FSIP1: variants seen among roughly 807,000 people sequenced by gnomAD.
FSIP1 encodes fibrous sheath-interacting protein 1.
FSIP1 carries 65 observed loss-of-function variants against 60.9 expected under a neutral mutation model. The observed-to-expected ratio is 1.07, with a 90% CI of 0.87 to 1.31. The LOEUF (loss-of-function observed/expected upper bound fraction) is 1.31, where lower values mean the gene tolerates loss of function less well. Among genes scored for constraint, FSIP1 ranks in the 40% most tolerant of loss-of-function variants. The pLI, the probability that FSIP1 is intolerant of heterozygous loss-of-function variation, is 0.00. For missense variants in FSIP1, 675 were observed against 665.5 expected (o/e 1.01, Z -0.16); for synonymous variants, 209 against 221.2 (o/e 0.94, Z 0.49).
At chr15:39,688,030 C>T (rs1894451589) in intron 10 of FSIP1, among the ~76,000 whole-genome samples, 1 of 152,150 alleles carries the variant, frequency 6.6e-6, no homozygotes, top group African/African-American at 2.4e-5. Context: ...GCCTGCCAAG[C>T]ATCCATGGAA....
At chr15:39,730,345 A>C (rs78366709) in intron 8 of FSIP1, among the ~76,000 whole-genome samples, 1 of 152,352 alleles carries the variant, frequency 6.6e-6, no homozygotes, top group South Asian at 2.1e-4. Context: ...ACTTACCCAC[A>C]TATCTACAGT....
At chr15:39,702,982 C>A (rs150974955) in intron 10 of FSIP1, among the ~76,000 whole-genome samples, 5 of 133,984 alleles carry the variant, frequency 3.7e-5, no homozygotes, top group African/African-American at 1.4e-4. Flanking sequence ...TCATAATTGT[C>A]TTTTTTTTTT....
rs939643304 is a variant in FSIP1, at chr15:39,675,763, T to C, written c.1188+37681A>G. 2.0e-5 allele frequency among the ~76,000 whole-genome samples: 3 copies of C among 152,250 alleles called. No homozygotes were observed. In the South Asian group the frequency reaches 6.2e-4, roughly 31 times the overall value. On this transcript the variant is annotated intron_variant, in intron 10 of 11. Coordinates refer to ENST00000350221, the MANE Select transcript of FSIP1 (RefSeq NM_152597.5). Reference sequence around the variant, plus strand: ...TTCCATGGTGTCATATGCAGTCTCCTTCACTTATTTCATGTGATAAAGTTC... The same window carrying C: ...TTCCATGGTGTCATATGCAGTCTCCCTCACTTATTTCATGTGATAAAGTTC...
chr15:39,726,882 A>C (rs1482733735), intron 8 of FSIP1, 135 bp from the exon 9 acceptor site: 1 of 618,634 alleles, frequency 1.6e-6, no homozygotes, highest in East Asian at 2.8e-5. Context: ...CAACACACAC[A>C]AACAGAATTA....
At chr15:39,711,752 T>G (rs1895522155) in intron 10 of FSIP1, among the ~76,000 whole-genome samples, 1 of 130,242 alleles carries the variant, frequency 7.7e-6, no homozygotes, top group Non-Finnish European at 1.6e-5. Context: ...TGGCGCAATC[T>G]CGGCTCACTG....
rs562523707 is a variant in FSIP1, at chr15:39,776,150, A to AC, written c.126+248_126+249insG. Among the ~76,000 whole-genome samples, 538 of 104,878 alleles carry AC rather than the reference A, an allele frequency of 5.1e-3. 5 individuals carry two copies. The highest frequency in any genetic ancestry group is 0.018 in the African/African-American group (509 of 28,502). 68.8% of individuals were successfully genotyped at this position (104,878 alleles called of 152,430 possible). On this transcript the variant is annotated intron_variant, in intron 2 of 11. Coordinates refer to ENST00000350221, the MANE Select transcript of FSIP1 (RefSeq NM_152597.5). ...GGTGGGAGGGAGGGAGGGGAGGAGCAGAGGGAGGGGAGGAGCAGAGGGAGG... is the reference window on the plus strand; with the variant it reads ...GGTGGGAGGGAGGGAGGGGAGGAGCACGAGGGAGGGGAGGAGCAGAGGGAGG...
intron 10 of FSIP1, among the ~76,000 whole-genome samples, chr15:39,635,613 A>G (rs1253156194): frequency 6.6e-6 from 1 of 152,156 alleles, no homozygotes; most frequent in Admixed American, 6.5e-5. Context: ...GCTTAAATCA[A>G]GCCTCCATTT....
At chr15:39,758,293 A>G (rs1897366230) in intron 5 of FSIP1, among the ~76,000 whole-genome samples, 1 of 152,128 alleles carries the variant, frequency 6.6e-6, no homozygotes, top group South Asian at 2.1e-4. Flanking sequence ...GAACTCTGTG[A>G]CCGAAAAGCT....
chr15:39,630,446 TC>T (rs372053007), intron 10 of FSIP1, among the ~76,000 whole-genome samples: 5 of 152,306 alleles, frequency 3.3e-5, no homozygotes, highest in African/African-American at 7.2e-5. Context: ...GATGAATCCG[TC>T]CACCTCCCTC....
chr15:39,654,567 C>A (rs1389980151), intron 10 of FSIP1, among the ~76,000 whole-genome samples: 2 of 152,202 alleles, frequency 1.3e-5, no homozygotes, highest in African/African-American at 4.8e-5. Flanking sequence ...CTTTGAGAGA[C>A]AATAAATCCA....
chr15:39,612,189 C>T (rs1891061454), intron 11 of FSIP1, among the ~76,000 whole-genome samples: 1 of 152,156 alleles, frequency 6.6e-6, no homozygotes, highest in East Asian at 1.9e-4. Context: ...AAACATCACA[C>T]CCTACAGCAA....
At chr15:39,728,707 G>C (rs1032774107) in intron 8 of FSIP1, among the ~76,000 whole-genome samples, 1 of 152,120 alleles carries the variant, frequency 6.6e-6, no homozygotes, top group African/African-American at 2.4e-5. Context: ...TCCCTGTCAA[G>C]GATTTCATAA....
intron 9 of FSIP1, among the ~76,000 whole-genome samples, chr15:39,724,923 C>T (rs1896130220): frequency 6.6e-6 from 1 of 152,056 alleles, no homozygotes; most frequent in Non-Finnish European, 1.5e-5. Flanking sequence ...AATAAACTAG[C>T]CTAACTCATG....
intron 9 of FSIP1, among the ~76,000 whole-genome samples, chr15:39,716,867 T>C (rs1042488784): frequency 3.1e-5 from 4 of 129,116 alleles, no homozygotes; most frequent in Non-Finnish European, 6.2e-5. Flanking sequence ...CAGGCTGGAG[T>C]GCAGTGGCGC....
At chr15:39,752,456 GA>G (rs1566913809) in intron 5 of FSIP1, among the ~76,000 whole-genome samples, 1 of 151,974 alleles carries the variant, frequency 6.6e-6, no homozygotes, top group Non-Finnish European at 1.5e-5. Context: ...CAGGTGAACA[GA>G]GTTAACATTA....
chr15:39,693,400 A>G (rs1042057032), intron 10 of FSIP1, among the ~76,000 whole-genome samples: 1 of 152,182 alleles, frequency 6.6e-6, no homozygotes, highest in Non-Finnish European at 1.5e-5. Flanking sequence ...GGCACACTCC[A>G]TGATCATGGG....
rs775736200 is a variant in FSIP1, at chr15:39,600,751, C to T, written c.*129G>A. 2.7e-4 allele frequency: 170 copies of T among 626,576 alleles called. No individual in the cohort carries two copies. Among genetic ancestry groups the T allele is most frequent in the East Asian group, 1.7e-3 (55 of 32,262 alleles). The allele number at this position is 626,576 out of a possible 1,614,324, so 38.8% of individuals were successfully genotyped here. A position where few individuals can be genotyped will look rare whatever the true frequency, so the allele number is the denominator to read the frequency against. On this transcript the variant is annotated 3_prime_UTR_variant, in exon 12 of 12. Transcript: ENST00000350221. ...TCAAGGAAATATAATCCACAAAGAG[C>T]GACTCCAAATGTCAAAATCAATAAA...
At chr15:39,654,100 TGTC>T in intron 10 of FSIP1, among the ~76,000 whole-genome samples, 1 of 152,266 alleles carries the variant, frequency 6.6e-6, no homozygotes, top group Admixed American at 6.5e-5. Context: ...ACGACAACAA[TGTC>T]TTCTTCTGGA....
In FSIP1 at chr15:39,738,087, G is replaced by A. The variant is rs766238228; in HGVS notation, c.891+4C>T. The A allele has an allele frequency of 4.0e-5, 63 of 1,559,168 alleles. No homozygotes were observed. Among genetic ancestry groups the A allele is most frequent in the Middle Eastern group, 1.7e-4 (1 of 5,968 alleles). On this transcript the variant is annotated splice_donor_region_variant and intron_variant, in intron 8 of 11. Transcript: ENST00000350221. ...TGTAGTGTTCCCTATCAGAGTTTAC[G>A]TACCTCAGAACTGGAGAGCCCGGAA...
Sources: allele counts gnomAD v4.1 joint callset (sites outside exome capture counted in the v4.1 genomes callset), GRCh38; gene constraint gnomAD v4.1.1; transcripts MANE v1.5; gene names NCBI Gene and HGNC (gene_info 2026-07-23, HGNC 2026-07-21).